GNG2: variants seen among roughly 807,000 people sequenced by gnomAD.
GNG2 encodes guanine nucleotide-binding protein G(I)/G(S)/G(O) subunit gamma-2.
A neutral mutation model predicts 5.5 loss-of-function variants in GNG2; 5 were observed. The observed-to-expected ratio is 0.91, with a 90% CI of 0.48 to 1.92. GNG2 has a LOEUF of 1.92. Ranked by LOEUF, GNG2 falls within the 30% of genes most tolerant of loss-of-function variation. The pLI is 0.01. For synonymous variants in GNG2, 28 were observed against 32.0 expected (o/e 0.88, Z 0.42); for missense variants, 55 against 88.4 (o/e 0.62, Z 1.52).
At chr14:51,906,166 A>G (rs1292065170) in intron 2 of GNG2, among the ~76,000 whole-genome samples, 3 of 152,210 alleles carry the variant, frequency 2.0e-5, no homozygotes. Flanking sequence ...TGAGGCAAGA[A>G]TTTTTACTCT....
intron 2 of GNG2, among the ~76,000 whole-genome samples, chr14:51,948,290 G>A (rs1305979946): frequency 1.3e-5 from 2 of 152,150 alleles, no homozygotes; most frequent in African/African-American, 2.4e-5. Context: ...AAAGGAAGAG[G>A]GATTAGAAGG....
intron 2 of GNG2, among the ~76,000 whole-genome samples, chr14:51,838,983 C>A (rs150976443): frequency 4.3e-4 from 65 of 152,342 alleles, no homozygotes; most frequent in African/African-American, 1.5e-3. Context: ...ATCTCCATTA[C>A]AGTGTGCTAA....
intron 2 of GNG2, among the ~76,000 whole-genome samples, chr14:51,846,429 A>G (rs1798732655): frequency 6.6e-6 from 1 of 152,238 alleles, no homozygotes; most frequent in African/African-American, 2.4e-5. Flanking sequence ...ACAGGAAAGC[A>G]GCTAAATTTG....
chr14:51,908,633 G>C (rs753086549), intron 2 of GNG2, among the ~76,000 whole-genome samples: 1 of 149,712 alleles, frequency 6.7e-6, no homozygotes, highest in African/African-American at 2.4e-5. Context: ...GCAGTGGCGC[G>C]ATCTCGGCTC....
chr14:51,962,466 G>A (rs1889670041), intron 3 of GNG2, among the ~76,000 whole-genome samples: 1 of 152,168 alleles, frequency 6.6e-6, no homozygotes, highest in Admixed American at 6.5e-5. Flanking sequence ...ATTTCCATTT[G>A]AGGTTAGTGA....
intron 2 of GNG2, among the ~76,000 whole-genome samples, chr14:51,897,643 T>C (rs189470658): frequency 1.3e-5 from 2 of 152,334 alleles, no homozygotes; most frequent in African/African-American, 4.8e-5. Flanking sequence ...ATGTTTAATG[T>C]TGCCTTCATT....
At chr14:51,858,025 G>T (rs1184132880), upstream of GNG2, among the ~76,000 whole-genome samples, 1 of 152,130 alleles carries the variant, frequency 6.6e-6, no homozygotes, top group African/African-American at 2.4e-5. Flanking sequence ...CTGCAAATAG[G>T]CCATGCATGA....
At chr14:51,884,459 A>T (rs778423459) in intron 2 of GNG2, among the ~76,000 whole-genome samples, 1 of 152,202 alleles carries the variant, frequency 6.6e-6, no homozygotes, top group Non-Finnish European at 1.5e-5. Flanking sequence ...TTTACAAAGG[A>T]GGAAGCTGTG....
intron 2 of GNG2, among the ~76,000 whole-genome samples, chr14:51,834,647 A>G (rs1483130239): frequency 6.6e-6 from 1 of 152,192 alleles, no homozygotes; most frequent in Non-Finnish European, 1.5e-5. Context: ...TGAGATTGCT[A>G]AAGCCATTTT....
intron 2 of GNG2, among the ~76,000 whole-genome samples, chr14:51,948,646 G>A (rs879299767): frequency 6.6e-6 from 1 of 152,024 alleles, no homozygotes; most frequent in Non-Finnish European, 1.5e-5. Flanking sequence ...GCGATGATTG[G>A]GTCTCTAACC....
intron 2 of GNG2, among the ~76,000 whole-genome samples, chr14:51,944,995 G>T (rs910822191): frequency 3.3e-5 from 5 of 152,048 alleles, no homozygotes; most frequent in Non-Finnish European, 7.4e-5. Context: ...TCTCCGCAAA[G>T]AAATATGAAT....
At chr14:51,958,153 G>A (rs1039299268) in intron 3 of GNG2, among the ~76,000 whole-genome samples, 11 of 152,214 alleles carry the variant, frequency 7.2e-5, no homozygotes, top group African/African-American at 2.7e-4. Flanking sequence ...CAGACTGAAA[G>A]TGGTTATTGC....
At chr14:51,902,587 T>TA (rs1885640821) in intron 2 of GNG2, among the ~76,000 whole-genome samples, 1 of 152,238 alleles carries the variant, frequency 6.6e-6, no homozygotes, top group African/African-American at 2.4e-5. Context: ...TCATATCTAT[T>TA]AATTTATTAA....
chr14:51,919,111 C>T (rs998613227), intron 2 of GNG2, among the ~76,000 whole-genome samples: 19 of 152,278 alleles, frequency 1.2e-4, no homozygotes, highest in Admixed American at 3.9e-4. Flanking sequence ...AGGCATGAGC[C>T]ACCGCGTCCG....
chr14:51,831,927 A>C (rs909064995), intron 2 of GNG2, among the ~76,000 whole-genome samples: 2 of 152,226 alleles, frequency 1.3e-5, no homozygotes, highest in African/African-American at 4.8e-5. Flanking sequence ...AAAATTTAAA[A>C]AGAGAATTCC....
chr14:51,835,577 A>G lies in GNG2; in HGVS notation c.64+7770A>G, dbSNP rs1881308128. Reference sequence around the variant, plus strand: ...ACGTCAAAGTCTAACCCACTCCTGAATCCCATGTTCTGTGTGTCTCTGCAA... The same window carrying G: ...ACGTCAAAGTCTAACCCACTCCTGAGTCCCATGTTCTGTGTGTCTCTGCAA... On this transcript the variant is annotated intron_variant, in intron 2 of 3. Coordinates refer to the GNG2 transcript ENST00000553432. Among the ~76,000 whole-genome samples the G allele has an allele frequency of 2.0e-5, 3 of 152,174 alleles. No homozygotes were observed. The South Asian group carries it at 6.2e-4, about 32-fold the overall frequency.
chr14:51,828,245 G>A (rs1346648927), intron 2 of GNG2, among the ~76,000 whole-genome samples: 1 of 152,170 alleles, frequency 6.6e-6, no homozygotes, highest in Non-Finnish European at 1.5e-5. Context: ...ACCTCAAGGT[G>A]AACAGGAGGT....
intron 2 of GNG2, among the ~76,000 whole-genome samples, chr14:51,924,023 T>C (rs1392559394): frequency 6.6e-6 from 1 of 152,220 alleles, no homozygotes; most frequent in Admixed American, 6.5e-5. Context: ...CCTTTTCAGG[T>C]CTCTCTTTAA....
At chr14:51,872,658 G>A (rs1432839681) in intron 1 of GNG2, among the ~76,000 whole-genome samples, 1 of 152,174 alleles carries the variant, frequency 6.6e-6, no homozygotes, top group Non-Finnish European at 1.5e-5. Flanking sequence ...CATGGCCTTT[G>A]CCTCCCATGA....
Sources: gnomAD v4.1 joint callset for allele counts (sites outside exome capture counted in the v4.1 genomes callset) on GRCh38, gnomAD v4.1.1 for gene constraint, MANE v1.5 for transcripts, NCBI Gene and HGNC (gene_info 2026-07-23, HGNC 2026-07-21) for gene names.